Variants in NAV1 observed in about 807,000 individuals in gnomAD.
NAV1 encodes pore membrane and/or filament interacting like protein 3.
Under a neutral mutation model 175.2 loss-of-function variants are expected in NAV1, and 18 were observed. That is an observed-to-expected ratio of 0.10 (90% confidence interval 0.07 to 0.15). The LOEUF is 0.15. Among genes scored for constraint, NAV1 ranks in the 10% least tolerant of loss-of-function variants. NAV1 has a pLI of 1.00. For synonymous variants in NAV1, 897 were observed against 978.7 expected (o/e 0.92, Z 1.56); for missense variants, 1,731 against 2,436.6 (o/e 0.71, Z 6.10).
chr1:201,667,528 A>G (rs1049242897), intron 1 of NAV1, among the ~76,000 whole-genome samples: 4 of 152,238 alleles, frequency 2.6e-5, no homozygotes, highest in Middle Eastern at 3.4e-3. Context: ...AGAGACCCCA[A>G]TCCAGGTCTC....
chr1:201,566,421 G>T (rs962210223), intron 1 of NAV1, among the ~76,000 whole-genome samples: 6 of 152,072 alleles, frequency 3.9e-5, no homozygotes, highest in African/African-American at 1.4e-4. Context: ...ACCCTCAGCC[G>T]TTACAGGCCT....
intron 1 of NAV1, among the ~76,000 whole-genome samples, chr1:201,701,721 G>A (rs1054810253): frequency 6.6e-6 from 1 of 152,212 alleles, no homozygotes; most frequent in African/African-American, 2.4e-5. Flanking sequence ...CTATCAAAAA[G>A]AGACAATGAC....
At chr1:201,635,762 T>G (rs1336359405) in intron 2 of NAV1, among the ~76,000 whole-genome samples, 1 of 152,192 alleles carries the variant, frequency 6.6e-6, no homozygotes, top group African/African-American at 2.4e-5. Context: ...TTTTAGAGAC[T>G]CCACTCTCCA....
intron 1 of NAV1, among the ~76,000 whole-genome samples, chr1:201,695,721 C>T (rs1184526357): frequency 2.0e-5 from 3 of 152,180 alleles, no homozygotes; most frequent in Non-Finnish European, 4.4e-5. Flanking sequence ...GCCTGGCTGC[C>T]TCCCAGGCAT....
intron 1 of NAV1, among the ~76,000 whole-genome samples, chr1:201,562,433 C>T (rs1421162021): frequency 2.0e-5 from 3 of 152,060 alleles, no homozygotes; most frequent in South Asian, 2.1e-4. Context: ...CTGGGATGGG[C>T]GAAGGTCTGG....
At chr1:201,760,568 A>C (rs1674776920) in intron 3 of NAV1, among the ~76,000 whole-genome samples, 1 of 152,230 alleles carries the variant, frequency 6.6e-6, no homozygotes, top group South Asian at 2.1e-4. Flanking sequence ...TTGTTCACTG[A>C]CTTTCTCCCT....
chr1:201,780,292 A>G, intron 3 of NAV1, 129 bp from the exon 8 acceptor site: 1 of 1,032,394 alleles, frequency 9.7e-7, no homozygotes, highest in Non-Finnish European at 1.4e-6. Flanking sequence ...CCTAGGACAA[A>G]CCCCCAGGTT....
In NAV1 at chr1:201,778,529, G is replaced by T. The variant is rs535826591; in HGVS notation, c.1227-1892G>T. On this transcript the variant is annotated intron_variant, in intron 3 of 29. Coordinates refer to ENST00000367296, the Ensembl canonical transcript of NAV1. ...TATTCTTTCTCTACAAAGTGAGGGG[G>T]TATGACATCTTAGCCCAGGACAAAT... is the stretch of plus-strand genomic sequence containing the variant. Among the ~76,000 whole-genome samples, 4 of 152,328 alleles carry T rather than the reference G, an allele frequency of 2.6e-5. No homozygotes were observed. In the East Asian group the frequency reaches 5.8e-4, roughly 22 times the overall value.
At chr1:201,804,347 C>G in intron 16 of NAV1, 142 bp from the exon 21 acceptor site, 1 of 795,400 alleles carries the variant, frequency 1.3e-6, no homozygotes. Flanking sequence ...CGTCCTGCTC[C>G]TCTGTCCCCT....
At chr1:201,559,743 A>G (rs908067829) in intron 1 of NAV1, among the ~76,000 whole-genome samples, 1 of 152,226 alleles carries the variant, frequency 6.6e-6, no homozygotes, top group Non-Finnish European at 1.5e-5. Context: ...TAGGTGCTTA[A>G]TAAAGGCGGT....
intron 1 of NAV1, among the ~76,000 whole-genome samples, chr1:201,545,812 T>C (rs918426730): frequency 6.6e-6 from 1 of 152,248 alleles, no homozygotes; most frequent in Non-Finnish European, 1.5e-5. Flanking sequence ...AATGAAGGCA[T>C]AAAGGAACGA....
chr1:201,718,790 A>C lies in NAV1; in HGVS notation c.1226+35A>C. On this transcript the variant is annotated intron_variant, in intron 3 of 29. Coordinates refer to ENST00000367296, the Ensembl canonical transcript of NAV1. This position sits in a 1 kb window ranked among gnomAD's most constrained non-coding sequence, Gnocchi z 4.8. Reference sequence around the variant, plus strand: ...GGGGCTTCTTGGATGGCGGGGGAGGATGGTGGAAAGACCACTGGGATGCGA... The same window carrying C: ...GGGGCTTCTTGGATGGCGGGGGAGGCTGGTGGAAAGACCACTGGGATGCGA... 6.4e-7 allele frequency: 1 copy of C among 1,571,158 alleles called. No homozygotes were observed. The highest frequency in any genetic ancestry group is 8.7e-7 in the Non-Finnish European group (1 of 1,153,132).
exon 15 of NAV1, chr1:201,794,510 G>A: frequency 1.2e-6 from 2 of 1,613,858 alleles, no homozygotes; most frequent in Non-Finnish European, 1.7e-6. Flanking sequence ...ACTTTCTGAA[G>A]AAAAAGAACT....
At chr1:201,572,252 A>G (rs940878515) in intron 1 of NAV1, among the ~76,000 whole-genome samples, 3 of 152,218 alleles carry the variant, frequency 2.0e-5, no homozygotes, top group Non-Finnish European at 4.4e-5. Flanking sequence ...TCCAGGCTAC[A>G]GAACCCTGGA....
Position 201,654,186 on chromosome 1 carries a change from C to T in NAV1, c.757+4761C>T, listed in dbSNP as rs140024755. On this transcript the variant is annotated intron_variant, in intron 1 of 29. Coordinates refer to ENST00000367296, the Ensembl canonical transcript of NAV1. The stretch of plus-strand genomic sequence containing the variant: ...CCCAGAGCTACTCTGGCTCCCTGAA[C>T]CTTAAGCCAACCCAGGGAGATACCC... 3.4e-4 allele frequency among the ~76,000 whole-genome samples: 52 copies of T among 152,316 alleles called. 1 individual carries two copies. Among genetic ancestry groups the T allele is most frequent in the Non-Finnish European group, 1.6e-4 (11 of 68,018 alleles).
At chr1:201,669,583 T>A (rs1669955826) in intron 1 of NAV1, among the ~76,000 whole-genome samples, 1 of 152,144 alleles carries the variant, frequency 6.6e-6, no homozygotes. Flanking sequence ...AAGAAAGCTT[T>A]TAATTGGGGA....
At chr1:201,605,897 C>G (rs1243774993) in intron 2 of NAV1, among the ~76,000 whole-genome samples, 1 of 152,190 alleles carries the variant, frequency 6.6e-6, no homozygotes, top group African/African-American at 2.4e-5. Context: ...CTGTCCATCT[C>G]CAGGCTGTGG....
intron 1 of NAV1, among the ~76,000 whole-genome samples, chr1:201,583,222 T>G (rs1264043198): frequency 2.0e-5 from 3 of 152,264 alleles, no homozygotes; most frequent in African/African-American, 7.2e-5. Flanking sequence ...TCACGCTGCG[T>G]CAGGCTCGCC....
intron 2 of NAV1, among the ~76,000 whole-genome samples, chr1:201,602,152 C>A (rs547339724): frequency 1.1e-4 from 17 of 152,300 alleles, no homozygotes; most frequent in Non-Finnish European, 1.9e-4. Flanking sequence ...GGACTTCTTT[C>A]TCCACCAAAT....
Sources: gnomAD v4.1 joint callset for allele counts (sites outside exome capture counted in the v4.1 genomes callset) on GRCh38, gnomAD v4.1.1 for gene constraint, Gnocchi (gnomAD v3.1) non-coding constraint, MANE v1.5 for transcripts, NCBI Gene and HGNC (gene_info 2026-07-23, HGNC 2026-07-21) for gene names.